Variants in ZFYVE28 observed in about 807,000 individuals in gnomAD.
The protein encoded by ZFYVE28 is zinc finger FYVE-type containing 28.
ZFYVE28 carries 40 observed loss-of-function variants against 82.1 expected under a neutral mutation model. That is an observed-to-expected ratio of 0.49 (90% CI 0.38 to 0.63). The LOEUF is 0.63. ZFYVE28 is among the 30% of genes least tolerant of loss of function. The pLI is 0.00. For missense variants in ZFYVE28, 1,321 were observed against 1,242.1 expected (o/e 1.06, Z -0.96); for synonymous variants, 612 against 546.1 (o/e 1.12, Z -1.68).
At chr4:2,349,506 T>G (rs1724050275) in intron 2 of ZFYVE28, among the ~76,000 whole-genome samples, 1 of 152,054 alleles carries the variant, frequency 6.6e-6, no homozygotes, top group African/African-American at 2.4e-5. Context: ...ACCCTAAAAC[T>G]TAAAGTATAA....
chr4:2,412,841 C>A (rs1732658018), intron 1 of ZFYVE28, among the ~76,000 whole-genome samples: 1 of 152,216 alleles, frequency 6.6e-6, no homozygotes, highest in Non-Finnish European at 1.5e-5. Flanking sequence ...CATCTCTCCT[C>A]TTAAGGTCGA....
At chr4:2,369,850 CT>C (rs1408650676) in intron 1 of ZFYVE28, among the ~76,000 whole-genome samples, 629 of 61,034 alleles carry the variant, frequency 0.01, 2 homozygotes, top group African/African-American at 0.034. Flanking sequence ...TTTTTCTTTT[CT>C]TTTTTTTTTT....
intron 1 of ZFYVE28, among the ~76,000 whole-genome samples, chr4:2,396,057 C>T (rs1730415215): frequency 6.7e-6 from 1 of 150,068 alleles, no homozygotes; most frequent in Non-Finnish European, 1.5e-5. Flanking sequence ...ACAAGCTATC[C>T]TGCAGAGGGG....
chr4:2,305,329 G>A lies in ZFYVE28; in HGVS notation c.1011C>T (p.Tyr337=), dbSNP rs369415325. 94 of 1,613,150 alleles carry A rather than the reference G, an allele frequency of 5.8e-5. 1 individual carries two copies. The highest frequency in any genetic ancestry group is 2.8e-4 in the African/African-American group (21 of 75,066). Residue 337 remains tyrosine (Y), a synonymous_variant, in exon 8 of 13, where the codon TAC becomes TAT. Transcript: ENST00000290974. ...PDAELACSMQ[Y]DDQELEQLSR... is the part of the protein sequence containing the mutation. ...TGAGCTGCTCCAGCTCCTGGTCGTC[G>A]TACTGCATGGAGCAGGCCAGCTCTG...
intron 1 of ZFYVE28, among the ~76,000 whole-genome samples, chr4:2,360,389 TCACACACA>T (rs10545681): frequency 1.3e-3 from 191 of 143,382 alleles, no homozygotes; most frequent in African/African-American, 4.5e-3. Context: ...AGAGCTGTAA[TCACACACA>T]CACACACACA....
intron 6 of ZFYVE28, chr4:2,328,999 C>A (rs1399625743): frequency 8.8e-5 from 56 of 637,692 alleles, no homozygotes; most frequent in Non-Finnish European, 1.2e-4. Context: ...TATCTTTATG[C>A]CAGTACCATA....
intron 1 of ZFYVE28, among the ~76,000 whole-genome samples, chr4:2,389,863 C>A (rs943489662): frequency 6.6e-6 from 1 of 152,178 alleles, no homozygotes; most frequent in African/African-American, 2.4e-5. Context: ...CACGTGCTCA[C>A]CCCTGCATGC....
At chr4:2,280,345 C>T (rs969810449) in intron 8 of ZFYVE28, among the ~76,000 whole-genome samples, 7 of 151,736 alleles carry the variant, frequency 4.6e-5, no homozygotes, top group Admixed American at 2.6e-4. Flanking sequence ...TCTGTCTCTA[C>T]AAAAAATCCA....
chr4:2,274,423 A>T (rs1036384661), intron 8 of ZFYVE28, among the ~76,000 whole-genome samples: 5 of 152,172 alleles, frequency 3.3e-5, no homozygotes, highest in African/African-American at 7.2e-5. Flanking sequence ...CAGGTGGTAC[A>T]ACAGGGCTCT....
chr4:2,397,450 C>G (rs1471034574), intron 1 of ZFYVE28, among the ~76,000 whole-genome samples: 2 of 149,440 alleles, frequency 1.3e-5, no homozygotes, highest in African/African-American at 4.9e-5. Context: ...TGCACTCCAG[C>G]CTGGGGGCCA....
chr4:2,340,905 G>C (rs1441500587), intron 3 of ZFYVE28, among the ~76,000 whole-genome samples: 1 of 152,096 alleles, frequency 6.6e-6, no homozygotes, highest in Non-Finnish European at 1.5e-5. Context: ...AATAGAGAGG[G>C]TGGCGGTGTC....
chr4:2,413,160 C>T lies in ZFYVE28; in HGVS notation c.39+5125G>A, dbSNP rs1210413975. On this transcript the variant is annotated intron_variant, in intron 1 of 12. Transcript: ENST00000290974. ...TGGCACAAGGCAAGGCATGTGAGGT[C>T]CCACACTCCCCCAACCACAAACAGA... Among the ~76,000 whole-genome samples the T allele has an allele frequency of 2.0e-5, 3 of 152,280 alleles. No individual in the cohort carries two copies. The East Asian group carries it at 5.8e-4, about 29-fold the overall frequency.
intron 1 of ZFYVE28, among the ~76,000 whole-genome samples, chr4:2,397,228 T>C (rs1017286029): frequency 6.6e-6 from 1 of 152,142 alleles, no homozygotes; most frequent in African/African-American, 2.4e-5. Context: ...TCCTAGCACT[T>C]TGGGAGGCCA....
At chr4:2,270,970 C>T in intron 12 of ZFYVE28, 114 bp from the exon 13 acceptor site, 1 of 1,457,946 alleles carries the variant, frequency 6.9e-7, no homozygotes, top group Non-Finnish European at 9.2e-7. Context: ...TGGGTGGGGA[C>T]TGCCCAGCCC....
chr4:2,340,237 T>C (rs1200723559), intron 3 of ZFYVE28, among the ~76,000 whole-genome samples: 1 of 151,798 alleles, frequency 6.6e-6, no homozygotes, highest in Non-Finnish European at 1.5e-5. Flanking sequence ...AGTGTGAGAG[T>C]CCCTGGGCTC....
intron 5 of ZFYVE28, among the ~76,000 whole-genome samples, chr4:2,336,681 GGA>G (rs567597080): frequency 6.2e-4 from 95 of 152,074 alleles, no homozygotes; most frequent in African/African-American, 2.2e-3. Flanking sequence ...TGAGGATTGA[GGA>G]GGTGAGGAGT....
chr4:2,353,926 G>C lies in ZFYVE28; in HGVS notation c.180+7C>G. 1 of 1,509,424 alleles carries C rather than the reference G, an allele frequency of 6.6e-7. No homozygotes were observed. The highest frequency in any genetic ancestry group is 2.6e-5 in the East Asian group (1 of 39,172). 93.5% of individuals were successfully genotyped at this position (1,509,424 alleles called of 1,614,324 possible). A position where few individuals can be genotyped will look rare whatever the true frequency, so the allele number is the denominator to read the frequency against. ...GGCCAGCCAGCTTCTGCTGCCCCGT[G>C]GCTCACCTGACAGGAGCGGAACTGG... On this transcript the variant is annotated splice_region_variant and intron_variant, in intron 2 of 12. Coordinates refer to ENST00000290974, the MANE Select transcript of ZFYVE28 (RefSeq NM_020972.3).
intron 2 of ZFYVE28, among the ~76,000 whole-genome samples, chr4:2,351,929 T>A (rs1304086937): frequency 6.6e-6 from 1 of 152,198 alleles, no homozygotes; most frequent in Non-Finnish European, 1.5e-5. Context: ...CAATACCACT[T>A]ATAATGTCAT....
At position 2,270,363 on chromosome 4, in the gene ZFYVE28, T is replaced by G; in HGVS notation, c.*362A>C. On this transcript the variant is annotated 3_prime_UTR_variant, in exon 13 of 13. Transcript: ENST00000290974. ...TCACCGCAACAGCAGAGGCGCAGAG[T>G]GGCCCCACTCTTGTCCACCTCCATC... 2 of 274,800 alleles carry G rather than the reference T, an allele frequency of 7.3e-6. No individual in the cohort carries two copies. The highest frequency in any genetic ancestry group is 1.4e-5 in the Non-Finnish European group (2 of 141,442). 17.0% of individuals were successfully genotyped at this position (274,800 alleles called of 1,614,324 possible). A position where few individuals can be genotyped will look rare whatever the true frequency, so the allele number is the denominator to read the frequency against.
Sources: gnomAD v4.1 joint callset for allele counts (sites outside exome capture counted in the v4.1 genomes callset) on GRCh38, gnomAD v4.1.1 for gene constraint, MANE v1.5 for transcripts, NCBI Gene and HGNC (gene_info 2026-07-23, HGNC 2026-07-21) for gene names.